Variants in C2 observed in about 807,000 individuals in gnomAD.
C2 encodes the protein C3/C5 convertase.
Under a neutral mutation model 85.2 loss-of-function variants are expected in C2, and 64 were observed. The observed-to-expected ratio is 0.75, with a 90% CI of 0.61 to 0.92. The LOEUF is 0.92. Among genes scored for constraint, C2 ranks in the 40% least tolerant of loss-of-function variants. The pLI is 0.00. For missense variants in C2, 820 were observed against 971.6 expected (o/e 0.84, Z 2.07); for synonymous variants, 311 against 370.8 (o/e 0.84, Z 1.85).
intron 3 of C2, among the ~76,000 whole-genome samples, chr6:31,932,988 CG>C (rs1770041134): frequency 6.6e-6 from 1 of 152,220 alleles, no homozygotes; most frequent in African/African-American, 2.4e-5. Flanking sequence ...TGGCGGCGCG[CG>C]CCTGCAATCG....
At position 31,928,133 on chromosome 6, in the gene C2, C is replaced by T; in HGVS notation, c.225C>T (p.Ala75=). Residue 75 remains alanine (A), a synonymous_variant, in exon 2 of 18, where the codon GCC becomes GCT. Transcript: ENST00000299367. ...GCGGACAGTGGCAGACCCCAGGAGC[C>T]ACCCGGTCTCTGTCTAAGGCGGTCT... ...KSSGQWQTPG[A]TRSLSKAVCK... 1 of 1,612,582 alleles carries T rather than the reference C, an allele frequency of 6.2e-7. No individual in the cohort carries two copies. Among genetic ancestry groups the T allele is most frequent in the Non-Finnish European group, 8.5e-7 (1 of 1,179,932 alleles).
intron 1 of C2, among the ~76,000 whole-genome samples, chr6:31,910,031 C>G (rs962145981): frequency 1.3e-5 from 2 of 151,602 alleles, no homozygotes; most frequent in Non-Finnish European, 2.9e-5. Context: ...CAGTCACGCG[C>G]CACCACGCCT....
intron 1 of C2, among the ~76,000 whole-genome samples, chr6:31,905,125 A>G (rs1402194670): frequency 6.6e-6 from 1 of 151,972 alleles, no homozygotes; most frequent in Middle Eastern, 3.2e-3. Flanking sequence ...GAACAGATAA[A>G]TTTAGGAGAT....
intron 6 of C2, chr6:31,934,734 G>A (rs1770265636): frequency 3.6e-6 from 4 of 1,104,356 alleles, no homozygotes; most frequent in Non-Finnish European, 4.4e-6. Context: ...GATAGACTGG[G>A]CATGGTGGCT....
Position 31,928,740 on chromosome 6 carries a change from T to C in C2, c.265T>C (p.Cys89Arg). Reference protein sequence around the residue: ...LSKAVCKPVRCPAPVSFENGI... With the variant: ...LSKAVCKPVRRPAPVSFENGI... ...ACTTCCTCTCTCTCCAGCTGTGCGC[T>C]GTCCAGCCCCTGTCTCCTTTGAGAA... is the stretch of plus-strand genomic sequence containing the variant. Residue 89 changes from cysteine (C) to arginine (R), a missense_variant, in exon 3 of 18, where the codon TGT becomes CGT. Physicochemically the swap from Cys to Arg is radical, Grantham distance 180 (BLOSUM62 -3). Transcript: ENST00000299367. The C allele has an allele frequency of 1.4e-5, 22 of 1,614,240 alleles. No homozygotes were observed. Among genetic ancestry groups the C allele is most frequent in the Non-Finnish European group, 1.9e-5 (22 of 1,180,036 alleles).
intron 1 of C2, among the ~76,000 whole-genome samples, chr6:31,914,777 G>A (rs1203544304): frequency 6.6e-6 from 1 of 150,748 alleles, no homozygotes; most frequent in Non-Finnish European, 1.5e-5. Flanking sequence ...GCCAGGCGTG[G>A]TGGCAGGCGC....
At chr6:31,938,400 C>T (rs1175707395) in intron 8 of C2, among the ~76,000 whole-genome samples, 1 of 150,710 alleles carries the variant, frequency 6.6e-6, no homozygotes, top group Admixed American at 6.6e-5. Flanking sequence ...AAGCACCTGG[C>T]CTGGTGCCTG....
upstream of C2, chr6:31,900,872 C>T (rs1767186817): frequency 1.2e-6 from 2 of 1,613,710 alleles, no homozygotes; most frequent in South Asian, 1.1e-5. The surrounding 1 kb of genome is among the most constrained non-coding windows in gnomAD (Gnocchi z 9.7). Flanking sequence ...GCTGATGCTG[C>T]TCACAAGGCT....
At chr6:31,937,489 G>A (rs538709843) in intron 8 of C2, 30 bp downstream of exon 8, 2 of 1,612,336 alleles carry the variant, frequency 1.2e-6, no homozygotes, top group South Asian at 2.2e-5. Context: ...AGTGTGTCTG[G>A]AATAGTGGAA....
chr6:31,934,362 C>G (rs752088774), intron 6 of C2, 63 bp downstream of exon 6: 1 of 1,608,934 alleles, frequency 6.2e-7, no homozygotes, highest in Non-Finnish European at 8.5e-7. Flanking sequence ...CTCTCTGTCT[C>G]CTTCCCCTCC....
chr6:31,934,435 T>C (rs1440038196), intron 6 of C2, 136 bp downstream of exon 6: 12 of 1,299,764 alleles, frequency 9.2e-6, no homozygotes. Context: ...TCATGCCATG[T>C]AGGAATCATG....
chr6:31,942,681 G>A (rs906643967), intron 9 of C2, among the ~76,000 whole-genome samples: 3 of 152,202 alleles, frequency 2.0e-5, no homozygotes, highest in East Asian at 1.9e-4. Context: ...GGAAGTCTGG[G>A]GGGGAGGAGT....
intron 8 of C2, 92 bp downstream of exon 8, chr6:31,937,551 G>T (rs2507953): frequency 0.1 from 150,128 of 1,493,942 alleles, 8,417 homozygotes; most frequent in African/African-American, 0.19. Flanking sequence ...CCCTCTGCCT[G>T]CCACTTTGGG....
At chr6:31,919,170 G>A (rs537850318), upstream of C2, among the ~76,000 whole-genome samples, 3 of 145,708 alleles carry the variant, frequency 2.1e-5, no homozygotes, top group South Asian at 4.3e-4. Flanking sequence ...TGGAGACGGA[G>A]TTTTGTTCTT....
chr6:31,942,119 CTCT>C (rs1421447747), intron 9 of C2, among the ~76,000 whole-genome samples: 13 of 143,440 alleles, frequency 9.1e-5, no homozygotes, highest in African/African-American at 3.1e-4. Flanking sequence ...CCCGGCTCAC[CTCT>C]TCTTTTTTTT....
chr6:31,939,534 GAC>G (rs1770716228), intron 9 of C2, among the ~76,000 whole-genome samples: 1 of 121,812 alleles, frequency 8.2e-6, no homozygotes, highest in African/African-American at 3.1e-5. Flanking sequence ...TTTTTTTTAA[GAC>G]AGTGTCTCAC....
chr6:31,916,377 G>A (rs990032805), upstream of C2, among the ~76,000 whole-genome samples: 1 of 152,006 alleles, frequency 6.6e-6, no homozygotes, highest in Admixed American at 6.6e-5. Context: ...TGGCCAACAC[G>A]ACGAAACCCT....
At chr6:31,910,933 T>C (rs1247730287) in intron 1 of C2, among the ~76,000 whole-genome samples, 3 of 151,652 alleles carry the variant, frequency 2.0e-5, no homozygotes, top group Non-Finnish European at 4.4e-5. Flanking sequence ...TGAGCCGAGA[T>C]CGTGCCACTG....
At position 31,943,090 on chromosome 6, in the gene C2, C is replaced by T; in HGVS notation, c.1351C>T (p.His451Tyr). The stretch of plus-strand genomic sequence containing the variant: ...AAAGGCTCTGCACCAGGTCTTTGAA[C>T]ATATGCTGGGTGAGTGAGCTTTGCC... The part of the protein sequence containing the change: ...DTKALHQVFE[H>Y]MLDVSKLTDT... The change falls in exon 10 of 18, where the codon CAT becomes TAT. Residue 451 changes from histidine (H) to tyrosine (Y), a missense_variant. Transcript: ENST00000299367. This position sits in a 1 kb window ranked among gnomAD's most constrained non-coding sequence, Gnocchi z 6.4. The T allele has an allele frequency of 6.2e-7, 1 of 1,613,062 alleles. No homozygotes were observed.
Sources: gnomAD v4.1 joint callset for allele counts (sites outside exome capture counted in the v4.1 genomes callset) on GRCh38, gnomAD v4.1.1 for gene constraint, Gnocchi (gnomAD v3.1) non-coding constraint, MANE v1.5 for transcripts, NCBI Gene and HGNC (gene_info 2026-07-23, HGNC 2026-07-21) for gene names.